CFAP299: variants seen among roughly 807,000 people sequenced by gnomAD.
CFAP299 encodes cilia and flagella associated protein 299, also known as cilia- and flagella-associated protein 299.
CFAP299 carries 21 observed loss-of-function variants against 27.0 expected under a neutral mutation model. The ratio of observed to expected loss-of-function variants is 0.78; its 90% CI spans 0.55 to 1.12. The LOEUF (loss-of-function observed/expected upper bound fraction) is 1.12, where lower values mean the gene tolerates loss of function less well. Among genes scored for constraint, CFAP299 ranks in the 50% most tolerant of loss-of-function variants. The pLI is 0.00. For synonymous variants in CFAP299, 104 were observed against 98.1 expected, an observed-to-expected ratio of 1.06 and a Z score of -0.36; for missense variants, 310 against 276.6, an observed-to-expected ratio of 1.12 and a Z score of -0.86.
intron 3 of CFAP299, among the ~76,000 whole-genome samples, chr4:80,811,485 A>G (rs1729150412): frequency 6.6e-6 from 1 of 152,142 alleles, no homozygotes; most frequent in African/African-American, 2.4e-5. Context: ...TTGAGCTGTT[A>G]ATAATTAGTG....
chr4:80,676,206 G>T (rs1719444301), intron 3 of CFAP299, among the ~76,000 whole-genome samples: 1 of 152,136 alleles, frequency 6.6e-6, no homozygotes, highest in Admixed American at 6.5e-5. Flanking sequence ...AGCATCTAAT[G>T]AAATTATCAT....
Position 80,792,987 on chromosome 4 carries a change from A to AT in CFAP299, c.334-77002dup, listed in dbSNP as rs1727655567. 2.0e-5 allele frequency among the ~76,000 whole-genome samples: 3 copies of AT among 152,106 alleles called. No individual in the cohort carries two copies. In the South Asian group the frequency reaches 6.2e-4, roughly 32 times the overall value. On this transcript the variant is annotated intron_variant, in intron 3 of 5. Coordinates refer to ENST00000358105, the MANE Select transcript of CFAP299 (RefSeq NM_152770.3). ...TCTTGTGCAACAATGGAAACAATGA[A>AT]TTTTGAGCTTCAAAAATTCATTTTC...
chr4:80,464,605 T>A (rs1011221327), intron 2 of CFAP299, among the ~76,000 whole-genome samples: 1 of 152,118 alleles, frequency 6.6e-6, no homozygotes, highest in Non-Finnish European at 1.5e-5. Flanking sequence ...TAACCTTTCC[T>A]TTTAAACACA....
At chr4:80,345,904 G>A (rs562780123) in intron 1 of CFAP299, among the ~76,000 whole-genome samples, 10 of 152,270 alleles carry the variant, frequency 6.6e-5, no homozygotes, top group South Asian at 2.1e-4. Flanking sequence ...GTGTAAAAGC[G>A]TTCCTATTTC....
intron 2 of CFAP299, chr4:80,386,489 T>C: frequency 6.5e-7 from 1 of 1,545,432 alleles, no homozygotes; most frequent in Middle Eastern, 1.7e-4. Flanking sequence ...GGCGCGGGGC[T>C]GCCCTCTTCT....
rs1182303478 is a variant in CFAP299, at chr4:80,946,410, A to G, written c.606+1471A>G. On this transcript the variant is annotated intron_variant, in intron 5 of 5. Coordinates refer to ENST00000358105, the MANE Select transcript of CFAP299 (RefSeq NM_152770.3). Reference sequence around the variant, plus strand: ...CCTGGATGGGGTTGAGAGGGTACAAAGAACATTCCCCTGATGCCTTTAAAG... The same window carrying G: ...CCTGGATGGGGTTGAGAGGGTACAAGGAACATTCCCCTGATGCCTTTAAAG... 2.0e-5 allele frequency among the ~76,000 whole-genome samples: 3 copies of G among 152,184 alleles called. No individual in the cohort carries two copies. The East Asian group carries it at 5.8e-4, about 29-fold the overall frequency.
At chr4:80,480,819 C>G (rs1388571159) in intron 2 of CFAP299, among the ~76,000 whole-genome samples, 1 of 151,950 alleles carries the variant, frequency 6.6e-6, no homozygotes, top group Non-Finnish European at 1.5e-5. Flanking sequence ...TCAACCCAGT[C>G]TACAAACAGT....
chr4:80,454,764 C>T (rs1729066764), intron 2 of CFAP299, among the ~76,000 whole-genome samples: 1 of 152,188 alleles, frequency 6.6e-6, no homozygotes, highest in Admixed American at 6.5e-5. Flanking sequence ...GAGTTTAAGT[C>T]ACACAGAGCC....
chr4:80,884,185 A>G (rs1023018675), intron 4 of CFAP299, among the ~76,000 whole-genome samples: 4 of 152,190 alleles, frequency 2.6e-5, no homozygotes. Flanking sequence ...CTTGAACAAC[A>G]CTATAGGTCA....
At chr4:80,504,687 A>T (rs1215861008) in intron 2 of CFAP299, among the ~76,000 whole-genome samples, 1 of 147,376 alleles carries the variant, frequency 6.8e-6, no homozygotes, top group Non-Finnish European at 1.5e-5. Context: ...ATGGGGGATT[A>T]AAAAAAACAC....
intron 3 of CFAP299, among the ~76,000 whole-genome samples, chr4:80,710,495 T>TC (rs1213699145): frequency 9.0e-6 from 1 of 110,770 alleles, no homozygotes; most frequent in East Asian, 3.0e-4. Flanking sequence ...TTTTTTTTTT[T>TC]TTTTTAAAAA....
At chr4:80,742,607 G>A (rs1724340735) in intron 3 of CFAP299, among the ~76,000 whole-genome samples, 1 of 152,160 alleles carries the variant, frequency 6.6e-6, no homozygotes, top group South Asian at 2.1e-4. Context: ...TATGAAGAAA[G>A]CTGAGGGGTC....
chr4:80,940,866 A>G (rs1379551891), intron 4 of CFAP299, among the ~76,000 whole-genome samples: 1 of 152,192 alleles, frequency 6.6e-6, no homozygotes, highest in East Asian at 1.9e-4. Flanking sequence ...TTAATTTGAC[A>G]TGAAGACAAT....
At chr4:80,434,375 C>G (rs1727964633) in intron 2 of CFAP299, among the ~76,000 whole-genome samples, 1 of 152,168 alleles carries the variant, frequency 6.6e-6, no homozygotes, top group Non-Finnish European at 1.5e-5. Context: ...TCCCAAGCTC[C>G]TTTGGAGGTG....
chr4:80,496,612 C>T lies in CFAP299; in HGVS notation c.243-86481C>T, dbSNP rs148424639. 4.6e-5 allele frequency among the ~76,000 whole-genome samples: 7 copies of T among 152,356 alleles called. No individual in the cohort carries two copies. The East Asian group carries it at 1.3e-3, about 29-fold the overall frequency. On this transcript the variant is annotated intron_variant, in intron 2 of 5. Transcript: ENST00000358105. ...GCTCTTGGCACTCTTCCAACCTCTG[C>T]CTGTTCCACAGTTCCAAAGCTGCTT...
chr4:80,681,367 G>C, intron 3 of CFAP299, among the ~76,000 whole-genome samples: 1 of 152,054 alleles, frequency 6.6e-6, no homozygotes, highest in East Asian at 1.9e-4. Context: ...CTGTACCCAG[G>C]TGTGCAGAAA....
intron 3 of CFAP299, among the ~76,000 whole-genome samples, chr4:80,804,001 G>T (rs369506969): frequency 3.4e-4 from 51 of 152,128 alleles, no homozygotes; most frequent in African/African-American, 1.1e-3. Context: ...CATGGTGGAA[G>T]AAAGAAGAGC....
chr4:80,780,867 T>C (rs114220136), intron 3 of CFAP299, among the ~76,000 whole-genome samples: 1,846 of 151,920 alleles, frequency 0.012, 33 homozygotes, highest in African/African-American at 0.042. Flanking sequence ...GATGGATAAG[T>C]TGATTTTTTT....
In CFAP299 at chr4:80,527,409, A is replaced by G. The variant is rs866535717; in HGVS notation, c.243-55684A>G. On this transcript the variant is annotated intron_variant, in intron 2 of 5. Coordinates refer to ENST00000358105, the MANE Select transcript of CFAP299 (RefSeq NM_152770.3). ...CATCACAACGTTAGTTTATGTAGGTATTGCCAATGAAGAAGCAAAAGAAGA... is the reference window on the plus strand; with the variant it reads ...CATCACAACGTTAGTTTATGTAGGTGTTGCCAATGAAGAAGCAAAAGAAGA... Among the ~76,000 whole-genome samples the G allele has an allele frequency of 1.6e-4, 24 of 152,062 alleles. 1 individual carries two copies. Among genetic ancestry groups the G allele is most frequent in the Admixed American group, 5.9e-4 (9 of 15,244 alleles).
Sources: allele counts gnomAD v4.1 joint callset (sites outside exome capture counted in the v4.1 genomes callset), GRCh38; gene constraint gnomAD v4.1.1; transcripts MANE v1.5; gene names NCBI Gene and HGNC (gene_info 2026-07-23, HGNC 2026-07-21).